The following AFAP1 variants were observed in gnomAD, a reference collection of about 807,000 sequenced individuals.
AFAP1 encodes the protein actin filament associated protein 1.
Under a neutral mutation model 93.9 loss-of-function variants are expected in AFAP1, and 75 were observed. That is an observed-to-expected ratio of 0.80 (90% CI 0.66 to 0.97). The LOEUF (loss-of-function observed/expected upper bound fraction) is 0.97, where lower values mean the gene tolerates loss of function less well. AFAP1 is among the 50% of genes least tolerant of loss of function. The pLI, the probability that AFAP1 is intolerant of heterozygous loss-of-function variation, is 0.00. For synonymous variants in AFAP1, 517 were observed against 430.7 expected, an observed-to-expected ratio of 1.20 and a Z score of -2.48; for missense variants, 1,201 against 1,050.8, an observed-to-expected ratio of 1.14 and a Z score of -1.98.
intron 1 of AFAP1, among the ~76,000 whole-genome samples, chr4:7,876,011 T>C (rs1436105652): frequency 6.6e-6 from 1 of 152,150 alleles, no homozygotes. Context: ...ATGGTGAATA[T>C]ACCTAATGAC....
At chr4:7,821,126 A>G (rs1029648407) in intron 6 of AFAP1, among the ~76,000 whole-genome samples, 2 of 152,190 alleles carry the variant, frequency 1.3e-5, no homozygotes, top group African/African-American at 4.8e-5. Flanking sequence ...CTCCAAAAAT[A>G]TATATATACA....
intron 1 of AFAP1, among the ~76,000 whole-genome samples, chr4:7,883,583 A>G (rs1717974212): frequency 6.6e-6 from 1 of 152,214 alleles, no homozygotes; most frequent in Admixed American, 6.5e-5. Context: ...AAAAAAAATT[A>G]TTTCTATTGG....
At chr4:7,874,605 G>A (rs1426030990) in intron 1 of AFAP1, among the ~76,000 whole-genome samples, 6 of 123,760 alleles carry the variant, frequency 4.8e-5, no homozygotes, top group East Asian at 2.7e-4. Context: ...GGATGGTCTC[G>A]ATCTCCTGAC....
intron 6 of AFAP1, among the ~76,000 whole-genome samples, chr4:7,837,651 G>C (rs1181183092): frequency 6.6e-6 from 1 of 152,164 alleles, no homozygotes; most frequent in Non-Finnish European, 1.5e-5. Context: ...TTTAATAGCA[G>C]ATTAGAAGCA....
chr4:7,824,233 C>T (rs988955140), intron 6 of AFAP1, among the ~76,000 whole-genome samples: 2 of 152,186 alleles, frequency 1.3e-5, no homozygotes, highest in South Asian at 2.1e-4. Flanking sequence ...AATTCAGAAT[C>T]GCAAATCCTC....
chr4:7,776,903 A>G (rs944703131), intron 14 of AFAP1: 2 of 152,230 alleles, frequency 1.3e-5, no homozygotes, highest in Non-Finnish European at 2.9e-5. Flanking sequence ...TTTGGTCCCC[A>G]TGTAATAAAT....
intron 6 of AFAP1, among the ~76,000 whole-genome samples, chr4:7,823,740 A>C (rs1721181120): frequency 6.6e-6 from 1 of 152,280 alleles, no homozygotes; most frequent in East Asian, 1.9e-4. Flanking sequence ...TTTGCTCTCT[A>C]ATCATTAACT....
At chr4:7,790,786 G>A (rs995133127) in intron 11 of AFAP1, among the ~76,000 whole-genome samples, 2 of 152,134 alleles carry the variant, frequency 1.3e-5, no homozygotes, top group Non-Finnish European at 2.9e-5. Flanking sequence ...AAACAGAACG[G>A]TAAGTACTAG....
chr4:7,849,124 G>A (rs1428785683), intron 4 of AFAP1, among the ~76,000 whole-genome samples: 2 of 152,138 alleles, frequency 1.3e-5, no homozygotes, highest in African/African-American at 4.8e-5. Context: ...GGGGACTGGA[G>A]CGCCACGCAG....
At chr4:7,781,355 T>C in intron 13 of AFAP1, 21 bp downstream of exon 13, 2 of 1,550,144 alleles carry the variant, frequency 1.3e-6, no homozygotes, top group Non-Finnish European at 1.7e-6. Context: ...TTCTAGAATC[T>C]TACAGAAGAA....
chr4:7,812,921 C>T (rs34581724), intron 8 of AFAP1, among the ~76,000 whole-genome samples: 2 of 152,166 alleles, frequency 1.3e-5, no homozygotes, highest in Admixed American at 6.5e-5. Flanking sequence ...TGAAGTGGGG[C>T]TGAGGAGCCT....
At chr4:7,867,005 C>T (rs1716473727) in intron 3 of AFAP1, among the ~76,000 whole-genome samples, 1 of 149,076 alleles carries the variant, frequency 6.7e-6, no homozygotes, top group African/African-American at 2.5e-5. Flanking sequence ...TGCCAATGCA[C>T]TCCAGCCTGG....
At chr4:7,772,639 G>C (rs1715592411) in intron 16 of AFAP1, 181 bp downstream of exon 16, 1 of 598,312 alleles carries the variant, frequency 1.7e-6, no homozygotes, top group South Asian at 2.2e-5. Context: ...AAGCATGTCA[G>C]GAACACAGGC....
intron 1 of AFAP1, among the ~76,000 whole-genome samples, chr4:7,876,606 C>T (rs781166684): frequency 6.6e-6 from 1 of 152,200 alleles, no homozygotes; most frequent in Admixed American, 6.5e-5. Context: ...AGGCAGGCAG[C>T]CCCGCAAGAG....
intron 10 of AFAP1, among the ~76,000 whole-genome samples, chr4:7,794,237 G>A (rs1456937767): frequency 6.6e-6 from 1 of 152,194 alleles, no homozygotes; most frequent in African/African-American, 2.4e-5. Context: ...CCAAGCTCCA[G>A]GCCCTTTACT....
chr4:7,766,933 C>G (rs891341095), intron 17 of AFAP1, among the ~76,000 whole-genome samples: 1 of 152,080 alleles, frequency 6.6e-6, no homozygotes, highest in South Asian at 2.1e-4. Context: ...TCAGGAATAC[C>G]GCAGCGGGCA....
intron 3 of AFAP1, among the ~76,000 whole-genome samples, chr4:7,868,022 A>G (rs1447864327): frequency 6.6e-6 from 1 of 152,168 alleles, no homozygotes; most frequent in African/African-American, 2.4e-5. Flanking sequence ...ACAAGTTAGA[A>G]AACAGCCAAA....
intron 17 of AFAP1, among the ~76,000 whole-genome samples, chr4:7,764,379 A>C (rs1200428865): frequency 2.1e-5 from 3 of 145,926 alleles, no homozygotes; most frequent in East Asian, 4.3e-4. Flanking sequence ...CATCATGTCT[A>C]TTTCAAAAAA....
At position 7,761,270 on chromosome 4, in the gene AFAP1, G is replaced by A. The variant is rs1713750946; in HGVS notation, c.*2495C>T. 1.3e-5 allele frequency: 2 copies of A among 152,244 alleles called. No individual in the cohort carries two copies. The highest frequency in any genetic ancestry group is 2.1e-4 in the South Asian group (1 of 4,834). 9.4% of individuals were successfully genotyped at this position (152,244 alleles called of 1,614,324 possible). On this transcript the variant is annotated 3_prime_UTR_variant, in exon 18 of 18. Coordinates refer to ENST00000420658, the MANE Select transcript of AFAP1 (RefSeq NM_001134647.2). The stretch of plus-strand genomic sequence containing the variant: ...CGCCATGGAAGGAACCCACTGTCAG[G>A]CCCCTCCAGGGCACCCATTTTGAAA...
Sources: gnomAD v4.1 joint callset for allele counts (sites outside exome capture counted in the v4.1 genomes callset) on GRCh38, gnomAD v4.1.1 for gene constraint, MANE v1.5 for transcripts, NCBI Gene and HGNC (gene_info 2026-07-23, HGNC 2026-07-21) for gene names.